Variants in CENPW observed in about 807,000 individuals in gnomAD.
CENPW encodes cancer-up-regulated gene 2 protein.
CENPW carries 3 observed loss-of-function variants against 11.1 expected under a neutral mutation model. The observed-to-expected ratio is 0.27, with a 90% CI of 0.12 to 0.70. The LOEUF (loss-of-function observed/expected upper bound fraction) is 0.70. Among genes scored for constraint, CENPW ranks in the 30% least tolerant of loss-of-function variants. The pLI is 0.77. For synonymous variants in CENPW, 38 were observed against 42.0 expected (o/e 0.91, Z 0.37); for missense variants, 100 against 105.6 (o/e 0.95, Z 0.23).
At chr6:126,420,941 ATTCT>A in the CENPW span, among the ~76,000 whole-genome samples, 1 of 152,084 alleles carries the variant, frequency 6.6e-6, no homozygotes, top group Admixed American at 6.6e-5. Flanking sequence ...TTATCATCAG[ATTCT>A]TTCAGAAGGC....
the CENPW span, among the ~76,000 whole-genome samples, chr6:126,368,299 C>T: frequency 3.3e-5 from 5 of 152,106 alleles, no homozygotes; most frequent in Admixed American, 3.3e-4. Context: ...CCATTAGCTG[C>T]ATTGGAGTCT....
chr6:126,470,124 C>T, the CENPW span, among the ~76,000 whole-genome samples: 15 of 152,198 alleles, frequency 9.9e-5, no homozygotes, highest in Non-Finnish European at 2.1e-4. Flanking sequence ...GTCTCAAGGG[C>T]ATTCCAGAGA....
chr6:126,444,101 C>G, the CENPW span, among the ~76,000 whole-genome samples: 1 of 148,852 alleles, frequency 6.7e-6, no homozygotes, highest in African/African-American at 2.5e-5. Context: ...TGTTTAGACA[C>G]TGGAAGGATC....
the CENPW span, among the ~76,000 whole-genome samples, chr6:126,355,619 A>T: frequency 1.3e-5 from 2 of 152,144 alleles, no homozygotes; most frequent in East Asian, 3.9e-4. Context: ...ATAATGCTGC[A>T]AAGGTAGATG....
At chr6:126,363,007 T>C in the CENPW span, among the ~76,000 whole-genome samples, 1 of 152,224 alleles carries the variant, frequency 6.6e-6, no homozygotes, top group African/African-American at 2.4e-5. Flanking sequence ...AAAATATACT[T>C]CAAAATAAAA....
chr6:126,468,481 T>C, the CENPW span, among the ~76,000 whole-genome samples: 1 of 150,828 alleles, frequency 6.6e-6, no homozygotes, highest in South Asian at 2.1e-4. Flanking sequence ...TGCAGTATTT[T>C]AAATAGAATC....
At chr6:126,429,019 T>C in the CENPW span, among the ~76,000 whole-genome samples, 1 of 152,216 alleles carries the variant, frequency 6.6e-6, no homozygotes, top group Non-Finnish European at 1.5e-5. Flanking sequence ...AATTATTTAA[T>C]ATGTTGAATA....
the CENPW span, among the ~76,000 whole-genome samples, chr6:126,383,628 C>G: frequency 6.6e-6 from 1 of 152,002 alleles, no homozygotes; most frequent in Non-Finnish European, 1.5e-5. Flanking sequence ...GGTTGCAATC[C>G]TAATTTCAGA....
At chr6:126,460,706 G>C in the CENPW span, among the ~76,000 whole-genome samples, 5 of 151,778 alleles carry the variant, frequency 3.3e-5, no homozygotes, top group Middle Eastern at 3.2e-3. Context: ...CCTCAGTATA[G>C]AACCTGGCTC....
chr6:126,357,061 C>A, the CENPW span, among the ~76,000 whole-genome samples: 1 of 152,166 alleles, frequency 6.6e-6, no homozygotes, highest in East Asian at 1.9e-4. Context: ...TTCTATGATT[C>A]TTACAGTTTT....
the CENPW span, among the ~76,000 whole-genome samples, chr6:126,360,630 TA>T: frequency 6.6e-6 from 1 of 152,140 alleles, no homozygotes; most frequent in Admixed American, 6.5e-5. Context: ...TTTTAAAAAT[TA>T]TTTTTTTCTC....
the CENPW span, among the ~76,000 whole-genome samples, chr6:126,456,946 G>A: frequency 6.6e-6 from 1 of 151,578 alleles, no homozygotes; most frequent in Non-Finnish European, 1.5e-5. Flanking sequence ...ATGAAAACAT[G>A]CTATACACCA....
At chr6:126,456,409 AC>A in the CENPW span, among the ~76,000 whole-genome samples, 1 of 151,634 alleles carries the variant, frequency 6.6e-6, no homozygotes, top group South Asian at 2.1e-4. Context: ...ACACGCTTAC[AC>A]CCATCTGATC....
chr6:126,399,763 G>T, the CENPW span, among the ~76,000 whole-genome samples: 1 of 151,944 alleles, frequency 6.6e-6, no homozygotes, highest in Non-Finnish European at 1.5e-5. Flanking sequence ...TTTGACCTAT[G>T]TAATTATCAA....
chr6:126,449,709 A>G, the CENPW span, among the ~76,000 whole-genome samples: 1 of 151,004 alleles, frequency 6.6e-6, no homozygotes, highest in African/African-American at 2.4e-5. Flanking sequence ...AGCCTTCTCA[A>G]CTCTTAAAAT....
the CENPW span, among the ~76,000 whole-genome samples, chr6:126,412,937 G>A: frequency 6.6e-6 from 1 of 152,080 alleles, no homozygotes; most frequent in East Asian, 1.9e-4. Context: ...AAGTACTACA[G>A]AGTCTCAGTG....
At chr6:126,416,808 G>A in the CENPW span, among the ~76,000 whole-genome samples, 1 of 152,236 alleles carries the variant, frequency 6.6e-6, no homozygotes, top group African/African-American at 2.4e-5. Context: ...GGATGTCCAG[G>A]CAGAAGTTTG....
chr6:126,371,512 A>G, the CENPW span, among the ~76,000 whole-genome samples: 3 of 152,144 alleles, frequency 2.0e-5, no homozygotes, highest in Admixed American at 6.5e-5. Context: ...AAGGATTTTT[A>G]TATCTGTATT....
the CENPW span, among the ~76,000 whole-genome samples, chr6:126,419,279 A>G: frequency 1.3e-5 from 2 of 152,150 alleles, no homozygotes; most frequent in African/African-American, 2.4e-5. Context: ...TGATCAATGT[A>G]CTTTTATCTC....
Sources: gnomAD v4.1 joint callset for allele counts (sites outside exome capture counted in the v4.1 genomes callset) on GRCh38, gnomAD v4.1.1 for gene constraint, MANE v1.5 for transcripts, NCBI Gene and HGNC (gene_info 2026-07-23, HGNC 2026-07-21) for gene names.